EXOC2: variants seen among roughly 807,000 people sequenced by gnomAD.
EXOC2 encodes the protein SEC5-like 1.
Under a neutral mutation model 131.8 loss-of-function variants are expected in EXOC2, and 70 were observed. The observed-to-expected ratio is 0.53, with a 90% CI of 0.44 to 0.65. The LOEUF is 0.65. EXOC2 is among the 30% of genes least tolerant of loss of function. The probability of loss-of-function intolerance (pLI) is 0.00; values close to 1 mark genes in which losing one functional copy is unlikely to be tolerated. For synonymous variants in EXOC2, 411 were observed against 398.4 expected (o/e 1.03, Z -0.38); for missense variants, 923 against 1,108.6 (o/e 0.83, Z 2.38).
intron 1 of EXOC2, among the ~76,000 whole-genome samples, chr6:649,828 T>C (rs185596673): frequency 5.9e-5 from 9 of 152,376 alleles, no homozygotes; most frequent in African/African-American, 2.2e-4. Flanking sequence ...GAAAGCACTT[T>C]AATACATTTT....
rs779897826 is a variant in EXOC2, at chr6:532,596, T to C, written c.2253A>G (p.Ser751=). 49 of 1,595,584 alleles carry C rather than the reference T, an allele frequency of 3.1e-5. No homozygotes were observed. The highest frequency in any genetic ancestry group is 3.9e-5 in the Non-Finnish European group (46 of 1,173,396). ...AGAGTCTTTGATCTAGTTCTTTCAA[T>C]GAGGCCATGCTAACCTATAAACACA... is the stretch of plus-strand genomic sequence containing the variant. ...IEKITQVSMA[S]LKELDQRLFE... The change falls in exon 23 of 28, where the codon TCA becomes TCG. Residue 751 remains serine, a synonymous_variant. Coordinates refer to ENST00000230449, the MANE Select transcript of EXOC2 (RefSeq NM_018303.6).
At position 633,047 on chromosome 6, in the gene EXOC2, T is replaced by G; in HGVS notation, c.189A>C (p.Arg63=). The G allele has an allele frequency of 1.2e-6, 2 of 1,614,166 alleles. No homozygotes were observed. The highest frequency in any genetic ancestry group is 1.7e-6 in the Non-Finnish European group (2 of 1,180,032). Residue 63 remains arginine, a synonymous_variant, in exon 3 of 28, where the codon CGA becomes CGC. Transcript: ENST00000230449. ...EWMSASKIVC[R]VGQAKNDKGD... ...CTTTGTCATTTTTGGCTTGTCCCACTCGACATACTATTTTACTTGCAGACA... is the reference window on the plus strand; with the variant it reads ...CTTTGTCATTTTTGGCTTGTCCCACGCGACATACTATTTTACTTGCAGACA...
intron 1 of EXOC2, among the ~76,000 whole-genome samples, chr6:658,642 A>AT (rs1185162131): frequency 8.9e-6 from 1 of 112,272 alleles, no homozygotes; most frequent in African/African-American, 3.3e-5. Context: ...ATATATATAT[A>AT]TTTTATATAT....
At chr6:687,627 C>T (rs1764723843) in intron 1 of EXOC2, among the ~76,000 whole-genome samples, 1 of 152,148 alleles carries the variant, frequency 6.6e-6, no homozygotes, top group South Asian at 2.1e-4. Flanking sequence ...GAAAAGGAAA[C>T]ATCCTTGGAT....
chr6:604,629 G>A (rs1760295114), intron 7 of EXOC2, among the ~76,000 whole-genome samples: 1 of 152,038 alleles, frequency 6.6e-6, no homozygotes, highest in Non-Finnish European at 1.5e-5. Flanking sequence ...TCTACCCTGC[G>A]GCCACACCTC....
rs557503044 is a variant in EXOC2 at position 576,632 on chromosome 6, G to A, written c.1318+125C>T. On this transcript the variant is annotated intron_variant, in intron 12 of 27. Transcript: ENST00000230449. ...GGTAGTTACTGTAACAAGCAAAAGC[G>A]ATGATGGCTGATAATACTTAGCACC... 7.4e-5 allele frequency: 79 copies of A among 1,062,564 alleles called. No individual in the cohort carries two copies. The African/African-American group carries it at 8.0e-4, about 11-fold the overall frequency. 65.8% of individuals were successfully genotyped at this position (1,062,564 alleles called of 1,614,324 possible). A position where few individuals can be genotyped will look rare whatever the true frequency, so the allele number is the denominator to read the frequency against.
At chr6:555,560 A>G (rs1284292091) in intron 19 of EXOC2, among the ~76,000 whole-genome samples, 5 of 152,202 alleles carry the variant, frequency 3.3e-5, no homozygotes, top group Admixed American at 2.6e-4. Context: ...TATTCCGGAA[A>G]AAGACTTTCT....
At chr6:539,370 TCAA>T (rs1293475470) in intron 22 of EXOC2, among the ~76,000 whole-genome samples, 2 of 152,138 alleles carry the variant, frequency 1.3e-5, no homozygotes, top group African/African-American at 4.8e-5. Context: ...ATGTATATAC[TCAA>T]CAACATTTCC....
chr6:531,211 G>A (rs1766057676), intron 23 of EXOC2, among the ~76,000 whole-genome samples: 1 of 152,260 alleles, frequency 6.6e-6, no homozygotes, highest in Admixed American at 6.5e-5. Context: ...GAGGGGCTGT[G>A]AGGTGGAGCA....
At chr6:517,484 T>A (rs1159740691) in intron 23 of EXOC2, among the ~76,000 whole-genome samples, 1 of 152,234 alleles carries the variant, frequency 6.6e-6, no homozygotes, top group Non-Finnish European at 1.5e-5. Context: ...TGAAAACTGC[T>A]AACTAATCAG....
At chr6:622,076 C>T (rs1013681749) in intron 4 of EXOC2, among the ~76,000 whole-genome samples, 1 of 152,216 alleles carries the variant, frequency 6.6e-6, no homozygotes, top group African/African-American at 2.4e-5. Context: ...TGAGGGATCA[C>T]GGGCTTTGTC....
chr6:635,186 A>G (rs1762043550), intron 2 of EXOC2, among the ~76,000 whole-genome samples: 1 of 152,262 alleles, frequency 6.6e-6, no homozygotes, highest in African/African-American at 2.4e-5. Context: ...TTAAAGGAAA[A>G]AAGTCATCCC....
chr6:651,776 G>A (rs1762842721), intron 1 of EXOC2, among the ~76,000 whole-genome samples: 1 of 152,054 alleles, frequency 6.6e-6, no homozygotes, highest in Non-Finnish European at 1.5e-5. Flanking sequence ...AATCTTCACA[G>A]GCCGGGCACA....
At chr6:496,243 T>C (rs530073516) in intron 25 of EXOC2, among the ~76,000 whole-genome samples, 6 of 152,356 alleles carry the variant, frequency 3.9e-5, no homozygotes, top group African/African-American at 1.4e-4. Flanking sequence ...TCCCAGTTAT[T>C]TGTGCATTTC....
At chr6:513,819 T>C (rs372159451) in intron 23 of EXOC2, among the ~76,000 whole-genome samples, 2 of 152,354 alleles carry the variant, frequency 1.3e-5, no homozygotes, top group East Asian at 1.9e-4. Context: ...GTAAATATCC[T>C]CTGCAATATA....
chr6:541,371 CAGAA>C (rs1294264056), intron 22 of EXOC2, among the ~76,000 whole-genome samples: 2 of 152,094 alleles, frequency 1.3e-5, no homozygotes, highest in Non-Finnish European at 2.9e-5. Flanking sequence ...TATTAAAAGA[CAGAA>C]AGGTTTAGAA....
Position 490,243 on chromosome 6 carries a change from T to G in EXOC2, c.2621+882A>C, listed in dbSNP as rs566394144. Among the ~76,000 whole-genome samples, 17 of 152,340 alleles carry G rather than the reference T, an allele frequency of 1.1e-4. No homozygotes were observed. The East Asian group carries it at 3.3e-3, about 29-fold the overall frequency. On this transcript the variant is annotated intron_variant, in intron 26 of 27. Transcript: ENST00000230449. ...GAATATTTTAAACTTCCTCTATAGA[T>G]GAGTACCTTATACTCTAAAACTAAG...
At chr6:501,100 ATATATATAT>A (rs1764026304) in intron 23 of EXOC2, among the ~76,000 whole-genome samples, 1 of 90,954 alleles carries the variant, frequency 1.1e-5, no homozygotes, top group Non-Finnish European at 2.0e-5. Context: ...TCCTCAAAAG[ATATATATAT>A]TATATATATC....
rs1192817981 is a variant in EXOC2 at position 633,106 on chromosome 6, A to C, written c.130T>G (p.Cys44Gly). 1 of 1,613,246 alleles carries C rather than the reference A, an allele frequency of 6.2e-7. No homozygotes were observed. The highest frequency in any genetic ancestry group is 1.3e-5 in the African/African-American group (1 of 75,048). Reference sequence around the variant, plus strand: ...GCCGTCAGGAGGCAATTATGTCCACAAATGGTCAAGCCTGAAAATAAACGC... The same window carrying C: ...GCCGTCAGGAGGCAATTATGTCCACCAATGGTCAAGCCTGAAAATAAACGC... ...GPTDLIGLTI[C>G]GHNCLLTAEW... The change falls in exon 3 of 28, where the codon TGT (cysteine) becomes GGT (glycine). Residue 44 changes from cysteine to glycine, a missense_variant. By Grantham distance (159) the Cys-to-Gly change is radical. Transcript: ENST00000230449.
Sources: gnomAD v4.1 joint callset for allele counts (sites outside exome capture counted in the v4.1 genomes callset) on GRCh38, gnomAD v4.1.1 for gene constraint, MANE v1.5 for transcripts, NCBI Gene and HGNC (gene_info 2026-07-23, HGNC 2026-07-21) for gene names.